The following EYA2 variants were observed in gnomAD, a reference collection of about 807,000 sequenced individuals.
EYA2 encodes the protein EYA transcriptional coactivator and phosphatase 2.
Under a neutral mutation model 69.2 loss-of-function variants are expected in EYA2, and 31 were observed. The observed-to-expected ratio is 0.45, with a 90% confidence interval of 0.34 to 0.60. EYA2 has a LOEUF of 0.60. Among genes scored for constraint, EYA2 ranks in the 20% least tolerant of loss-of-function variants. EYA2 has a pLI of 0.02. For missense variants in EYA2, 622 were observed against 701.2 expected, an observed-to-expected ratio of 0.89 and a Z score of 1.28; for synonymous variants, 257 against 279.4, an observed-to-expected ratio of 0.92 and a Z score of 0.80.
chr20:47,154,115 TC>T (rs2033875101), intron 10 of EYA2, among the ~76,000 whole-genome samples: 1 of 152,030 alleles, frequency 6.6e-6, no homozygotes, highest in African/African-American at 2.4e-5. Context: ...AAGTCCATGA[TC>T]CAGGTGCTGG....
intron 5 of EYA2, among the ~76,000 whole-genome samples, chr20:47,045,621 G>T (rs1305107604): frequency 1.3e-5 from 2 of 152,198 alleles, no homozygotes; most frequent in Non-Finnish European, 2.9e-5. Context: ...AAGACGTTCT[G>T]CCTGAAGCTG....
chr20:47,114,065 G>A (rs1424236542), intron 9 of EYA2, among the ~76,000 whole-genome samples: 1 of 152,118 alleles, frequency 6.6e-6, no homozygotes, highest in Non-Finnish European at 1.5e-5. Context: ...CTTCTGTCGG[G>A]GGAGAATGGG....
chr20:47,166,057 C>T (rs3092023), intron 10 of EYA2, among the ~76,000 whole-genome samples: 31,614 of 151,664 alleles, frequency 0.21, 3,799 homozygotes, highest in African/African-American at 0.34. Flanking sequence ...ATGAATGAGG[C>T]AGGGGCTTCC....
At chr20:47,079,934 T>C (rs2031652714) in intron 7 of EYA2, among the ~76,000 whole-genome samples, 1 of 152,240 alleles carries the variant, frequency 6.6e-6, no homozygotes, top group Non-Finnish European at 1.5e-5. Context: ...CTGTTAATAG[T>C]CATTTTCTCT....
At chr20:46,977,695 A>G (rs1287326900) in intron 1 of EYA2, among the ~76,000 whole-genome samples, 2 of 152,208 alleles carry the variant, frequency 1.3e-5, no homozygotes, top group African/African-American at 2.4e-5. Context: ...TTCCTGATCC[A>G]TTTATCTGCC....
intron 1 of EYA2, among the ~76,000 whole-genome samples, chr20:46,934,986 A>G (rs1425942590): frequency 6.6e-6 from 1 of 152,242 alleles, no homozygotes; most frequent in African/African-American, 2.4e-5. Context: ...GTGAATAAGC[A>G]AAGTCCCTGA....
At chr20:47,100,703 C>G (rs2032398963) in intron 9 of EYA2, among the ~76,000 whole-genome samples, 1 of 152,226 alleles carries the variant, frequency 6.6e-6, no homozygotes, top group South Asian at 2.1e-4. Context: ...ATCGCCTGTG[C>G]CATCTTCATG....
At chr20:47,095,371 G>T (rs1214132721) in intron 8 of EYA2, among the ~76,000 whole-genome samples, 3 of 151,958 alleles carry the variant, frequency 2.0e-5, no homozygotes, top group East Asian at 1.9e-4. Flanking sequence ...TTTGACTATT[G>T]GGAATTTCAC....
At chr20:47,139,501 C>T (rs2033549018) in intron 9 of EYA2, among the ~76,000 whole-genome samples, 1 of 152,106 alleles carries the variant, frequency 6.6e-6, no homozygotes, top group African/African-American at 2.4e-5. Context: ...GGCACAATCT[C>T]GGCTCACCAC....
intron 5 of EYA2, among the ~76,000 whole-genome samples, chr20:47,055,076 C>G (rs980033672): frequency 6.6e-6 from 1 of 152,130 alleles, no homozygotes; most frequent in Non-Finnish European, 1.5e-5. Flanking sequence ...TTGAGATTCC[C>G]TCTCATTGGA....
Position 46,909,060 on chromosome 20 carries a change from T to A in EYA2, c.-11+14073T>A, listed in dbSNP as rs546280245. Reference sequence around the variant, plus strand: ...TGTCTTTCTCAGGAGTTTTTCCTGATCTCCGCTCATCATGGGGAAAGGCAA... The same window carrying A: ...TGTCTTTCTCAGGAGTTTTTCCTGAACTCCGCTCATCATGGGGAAAGGCAA... On this transcript the variant is annotated intron_variant, in intron 1 of 15. Coordinates refer to ENST00000327619, the MANE Select transcript of EYA2 (RefSeq NM_005244.5). 1.4e-4 allele frequency among the ~76,000 whole-genome samples: 21 copies of A among 151,992 alleles called. No individual in the cohort carries two copies. The East Asian group carries it at 3.7e-3, about 27-fold the overall frequency.
chr20:46,957,396 A>G (rs905903402), intron 1 of EYA2, among the ~76,000 whole-genome samples: 4 of 152,214 alleles, frequency 2.6e-5, no homozygotes, highest in Non-Finnish European at 4.4e-5. Flanking sequence ...TGTACATGTC[A>G]CCTTATGTGG....
intron 1 of EYA2, among the ~76,000 whole-genome samples, chr20:46,965,125 G>T (rs547175700): frequency 3.3e-5 from 5 of 152,082 alleles, no homozygotes; most frequent in Non-Finnish European, 5.9e-5. Flanking sequence ...TGGTACCAGC[G>T]CTGGCTCTTG....
At chr20:47,087,683 G>A (rs555261992) in intron 7 of EYA2, among the ~76,000 whole-genome samples, 4 of 152,328 alleles carry the variant, frequency 2.6e-5, no homozygotes, top group Admixed American at 2.6e-4. Context: ...ACAATCGCCG[G>A]TGGGCACAAG....
intron 5 of EYA2, among the ~76,000 whole-genome samples, chr20:47,030,722 C>A (rs1172166294): frequency 8.4e-6 from 1 of 118,986 alleles, no homozygotes; most frequent in Non-Finnish European, 2.0e-5. Context: ...GAACACATGG[C>A]CTCTCCTCTT....
chr20:47,149,162 T>C (rs953470187), intron 10 of EYA2, among the ~76,000 whole-genome samples: 1 of 152,158 alleles, frequency 6.6e-6, no homozygotes, highest in African/African-American at 2.4e-5. Flanking sequence ...CCTAGATTTA[T>C]GTTGAATGGC....
intron 7 of EYA2, among the ~76,000 whole-genome samples, chr20:47,077,209 A>G (rs1013464437): frequency 3.3e-5 from 5 of 152,232 alleles, no homozygotes; most frequent in African/African-American, 9.7e-5. Flanking sequence ...CACCTACACT[A>G]TGAGCAACAT....
chr20:46,986,474 G>T lies in EYA2; in HGVS notation c.-10-3527G>T, dbSNP rs953623984. Among the ~76,000 whole-genome samples the T allele has an allele frequency of 1.8e-3, 82 of 45,032 alleles. 2 individuals are homozygous for T. Among genetic ancestry groups the T allele is most frequent in the Middle Eastern group, 0.013 (1 of 76 alleles). The allele number at this position is 45,032 out of a possible 152,430, so 29.5% of individuals were successfully genotyped here. ...TATATATATACATTAGATATATAGA[G>T]ATATATATATCTCTCTCCAATATAA... is the stretch of plus-strand genomic sequence containing the variant. On this transcript the variant is annotated intron_variant, in intron 1 of 15. Transcript: ENST00000327619.
chr20:47,093,245 TGTTA>T (rs2146512056), intron 8 of EYA2, among the ~76,000 whole-genome samples: 2 of 152,144 alleles, frequency 1.3e-5, no homozygotes, highest in South Asian at 4.2e-4. Context: ...CCTGGTAAAG[TGTTA>T]GTTTGTTTGT....
Sources: allele counts gnomAD v4.1 joint callset (sites outside exome capture counted in the v4.1 genomes callset), GRCh38; gene constraint gnomAD v4.1.1; transcripts MANE v1.5; gene names NCBI Gene and HGNC (gene_info 2026-07-23, HGNC 2026-07-21).